Variants in ZFAT observed in about 807,000 individuals in gnomAD.
The protein encoded by ZFAT is zinc finger protein ZFAT.
In ZFAT, 64 loss-of-function variants were observed where a neutral mutation model predicts 117.7. The observed-to-expected ratio is 0.54, with a 90% CI of 0.44 to 0.67. The LOEUF (loss-of-function observed/expected upper bound fraction) is 0.67, where lower values mean the gene tolerates loss of function less well. ZFAT is among the 30% of genes least tolerant of loss of function. The probability of loss-of-function intolerance (pLI) is 0.00; values close to 1 mark genes in which losing one functional copy is unlikely to be tolerated. For synonymous variants in ZFAT, 679 were observed against 615.0 expected, an observed-to-expected ratio of 1.10 and a Z score of -1.54; for missense variants, 1,433 against 1,584.5, an observed-to-expected ratio of 0.90 and a Z score of 1.62.
the ZFAT span, among the ~76,000 whole-genome samples, chr8:134,721,740 T>C: frequency 6.6e-6 from 1 of 152,162 alleles, no homozygotes; most frequent in Non-Finnish European, 1.5e-5. Flanking sequence ...CCCCTTTCCG[T>C]GATTCTTACA....
chr8:134,557,329 G>T (rs562255484), intron 11 of ZFAT, among the ~76,000 whole-genome samples: 2 of 152,284 alleles, frequency 1.3e-5, no homozygotes, highest in Admixed American at 6.5e-5. Flanking sequence ...AGTCTGAGAA[G>T]CTGTTAAATC....
At chr8:134,714,849 C>T (rs931050408), upstream of ZFAT, among the ~76,000 whole-genome samples, 5 of 151,918 alleles carry the variant, frequency 3.3e-5, no homozygotes, top group Non-Finnish European at 7.4e-5. Context: ...AACTGCCCCC[C>T]AGGCCTCCAG....
chr8:134,518,726 TA>T (rs1259060728), intron 13 of ZFAT, among the ~76,000 whole-genome samples: 1 of 152,068 alleles, frequency 6.6e-6, no homozygotes, highest in Non-Finnish European at 1.5e-5. Flanking sequence ...TCTCAGTTTA[TA>T]GATGAATTCA....
the ZFAT span, among the ~76,000 whole-genome samples, chr8:134,756,907 G>A: frequency 2.0e-5 from 3 of 152,122 alleles, no homozygotes; most frequent in Non-Finnish European, 4.4e-5. Flanking sequence ...AGCCTCTATG[G>A]CAGATAGGAA....
rs1563752275 is a variant in ZFAT, at chr8:134,478,304, TGA to T, written c.*176_*177del. 2.4e-5 allele frequency: 19 copies of T among 802,990 alleles called. No individual in the cohort carries two copies. In the African/African-American group the frequency reaches 2.6e-4, roughly 11 times the overall value. The allele number at this position is 802,990 out of a possible 1,614,324, so 49.7% of individuals were successfully genotyped here. A position where few individuals can be genotyped will look rare whatever the true frequency, so the allele number is the denominator to read the frequency against. On this transcript the variant is annotated 3_prime_UTR_variant, in exon 16 of 16. Transcript: ENST00000377838. The surrounding 1 kb of genome is among the most constrained non-coding windows in gnomAD (Gnocchi z 5.2). ...GGTGAGGGTCCTGTGGTATTGCTGG[TGA>T]TGCTGACTGCCTTGCCCACCCCAAG...
chr8:134,682,162 G>A lies in ZFAT; in HGVS notation c.20-24425C>T, dbSNP rs4394346. Among the ~76,000 whole-genome samples, 7 of 152,286 alleles carry A rather than the reference G, an allele frequency of 4.6e-5. No homozygotes were observed. The South Asian group carries it at 1.4e-3, about 32-fold the overall frequency. On this transcript the variant is annotated intron_variant, in intron 1 of 15. Transcript: ENST00000377838. ...AGCTGGCACCAGCAGAGGCTCATAC[G>A]AGGCTTATTTAATTCTCACAACAAT...
chr8:134,657,352 T>C (rs1197344100), intron 2 of ZFAT, among the ~76,000 whole-genome samples: 8 of 152,200 alleles, frequency 5.3e-5, no homozygotes, highest in Admixed American at 5.2e-4. Flanking sequence ...CTTCCATTCA[T>C]TCTTTCATTC....
At position 134,653,419 on chromosome 8, in the gene ZFAT, GTTTTTTTTTTTTT is replaced by G. The variant is rs61711569; in HGVS notation, c.196+4129_196+4141del. Among the ~76,000 whole-genome samples the G allele has an allele frequency of 1.9e-4, 10 of 51,332 alleles. 1 individual carries two copies. Among genetic ancestry groups the G allele is most frequent in the African/African-American group, 8.6e-4 (10 of 11,688 alleles). The allele number at this position is 51,332 out of a possible 152,430, so 33.7% of individuals were successfully genotyped here. A position where few individuals can be genotyped will look rare whatever the true frequency, so the allele number is the denominator to read the frequency against. ...ACTACAGGCACAAGCCGTTTTATCTGTTTTTTTTTTTTTTTTTTTTTTTTTTTTAGAGACAGAG... is the reference window on the plus strand; with the variant it reads ...ACTACAGGCACAAGCCGTTTTATCTGTTTTTTTTTTTTTTTAGAGACAGAG... On this transcript the variant is annotated intron_variant, in intron 2 of 15. Coordinates refer to ENST00000377838, the MANE Select transcript of ZFAT (RefSeq NM_020863.4).
intron 3 of ZFAT, among the ~76,000 whole-genome samples, chr8:134,614,514 G>A (rs560099233): frequency 2.8e-4 from 43 of 152,232 alleles, no homozygotes; most frequent in East Asian, 7.7e-4. Flanking sequence ...ACCAACGGTT[G>A]GACTTTCCCA....
chr8:134,796,840 T>C, the ZFAT span: 1 of 152,182 alleles, frequency 6.6e-6, no homozygotes, highest in Non-Finnish European at 1.5e-5. Flanking sequence ...TTGCTTAATG[T>C]TTTAGTTTAA....
At position 134,610,658 on chromosome 8, in the gene ZFAT, A is replaced by G. The variant is rs1414688181; in HGVS notation, c.449-3T>C. The G allele has an allele frequency of 1.2e-6, 2 of 1,613,668 alleles. No individual in the cohort carries two copies. Among genetic ancestry groups the G allele is most frequent in the South Asian group, 2.2e-5 (2 of 90,994 alleles). On this transcript the variant is annotated splice_polypyrimidine_tract_variant and splice_region_variant and intron_variant, in intron 3 of 15. Transcript: ENST00000377838. ...TAGTTCAAGGTCAGACTCGTTACCT[A>G]AGGAGCAAATACCAAGATGCATAAG...
chr8:134,615,468 C>T (rs906511001), intron 3 of ZFAT, among the ~76,000 whole-genome samples: 1 of 152,128 alleles, frequency 6.6e-6, no homozygotes, highest in Admixed American at 6.5e-5. Context: ...AGATTACATG[C>T]GTGAGCTACT....
chr8:134,590,676 ACACCAC>A, intron 7 of ZFAT, among the ~76,000 whole-genome samples: 1 of 136,118 alleles, frequency 7.3e-6, no homozygotes, highest in Non-Finnish European at 1.6e-5. Context: ...ACCACAACCA[ACACCAC>A]CACCACCAAC....
the ZFAT span, among the ~76,000 whole-genome samples, chr8:134,742,688 C>T: frequency 6.6e-6 from 1 of 152,240 alleles, no homozygotes; most frequent in Non-Finnish European, 1.5e-5. Context: ...AGTCTGTGAG[C>T]TCTGGCCCCC....
chr8:134,664,375 A>C (rs916367533), intron 1 of ZFAT, among the ~76,000 whole-genome samples: 2 of 152,160 alleles, frequency 1.3e-5, no homozygotes, highest in African/African-American at 4.8e-5. Flanking sequence ...AGCCCACGAG[A>C]CCACAAAACT....
intron 7 of ZFAT, among the ~76,000 whole-genome samples, chr8:134,596,738 T>C (rs1826970247): frequency 6.6e-6 from 1 of 152,152 alleles, no homozygotes; most frequent in African/African-American, 2.4e-5. Context: ...ATGAATTAAG[T>C]GACAGAAATG....
At chr8:134,743,412 C>CT in the ZFAT span, among the ~76,000 whole-genome samples, 1 of 152,074 alleles carries the variant, frequency 6.6e-6, no homozygotes, top group African/African-American at 2.4e-5. Context: ...TAGCTTGAAC[C>CT]TGGGAGGTGG....
rs545072884 is a variant in ZFAT, at chr8:134,559,966, C to T, written c.2976+5367G>A. On this transcript the variant is annotated intron_variant, in intron 11 of 15. Transcript: ENST00000377838. ...GAAAATAAAAATAATTCCAGCTGTCCAGTCAATATTTTTTTCTTGGATTTT... is the reference window on the plus strand; with the variant it reads ...GAAAATAAAAATAATTCCAGCTGTCTAGTCAATATTTTTTTCTTGGATTTT... 1.1e-4 allele frequency among the ~76,000 whole-genome samples: 16 copies of T among 152,100 alleles called. No homozygotes were observed. The East Asian group carries it at 2.1e-3, about 20-fold the overall frequency.
At chr8:134,724,194 T>C in the ZFAT span, among the ~76,000 whole-genome samples, 1 of 152,168 alleles carries the variant, frequency 6.6e-6, no homozygotes, top group Non-Finnish European at 1.5e-5. Flanking sequence ...GACTGTGCAT[T>C]GGTCACCATC....
Sources: allele counts gnomAD v4.1 joint callset (sites outside exome capture counted in the v4.1 genomes callset), GRCh38; gene constraint gnomAD v4.1.1; non-coding constraint Gnocchi (gnomAD v3.1); transcripts MANE v1.5; gene names NCBI Gene and HGNC (gene_info 2026-07-23, HGNC 2026-07-21).